The following UMAD1 variants were observed in gnomAD, a reference collection of about 807,000 sequenced individuals.
UMAD1 encodes UBAP1-MVB12-associated (UMA)-domain containing protein 1.
Under a neutral mutation model 6.1 loss-of-function variants are expected in UMAD1, and 8 were observed. That is an observed-to-expected ratio of 1.30 (90% confidence interval 0.76 to 2.35). UMAD1 has a LOEUF of 2.35. Among genes scored for constraint, UMAD1 ranks in the 30% most tolerant of loss-of-function variants. The pLI is 0.00. For synonymous variants in UMAD1, 56 were observed against 31.4 expected (o/e 1.78, Z -2.61); for missense variants, 130 against 78.4 (o/e 1.66, Z -2.49).
At chr7:7,825,530 A>G (rs1032555058) in intron 3 of UMAD1, among the ~76,000 whole-genome samples, 1 of 152,124 alleles carries the variant, frequency 6.6e-6, no homozygotes, top group Non-Finnish European at 1.5e-5. Flanking sequence ...TTGTGCAGGG[A>G]AATTCCCATT....
chr7:7,707,666 T>C (rs1005836828), intron 2 of UMAD1, among the ~76,000 whole-genome samples: 1 of 152,238 alleles, frequency 6.6e-6, no homozygotes, highest in Non-Finnish European at 1.5e-5. Context: ...TTTAGTTTTC[T>C]GTGATCCAAA....
rs566002936 is a variant in UMAD1, at chr7:7,756,999, G to C, written c.83-44671G>C. ...GAATAGCTACACATTGATCTGTTTT[G>C]TGGTAAACTAATATGCTCCTTCTTT... On this transcript the variant is annotated intron_variant, in intron 2 of 3. Coordinates refer to ENST00000682710, the MANE Select transcript of UMAD1 (RefSeq NM_001302348.2). Among the ~76,000 whole-genome samples, 201 of 152,296 alleles carry C rather than the reference G, an allele frequency of 1.3e-3. 1 individual carries two copies. Among genetic ancestry groups the C allele is most frequent in the African/African-American group, 4.5e-3 (189 of 41,572 alleles).
At chr7:7,709,456 G>A (rs1372461639) in intron 2 of UMAD1, among the ~76,000 whole-genome samples, 2 of 152,334 alleles carry the variant, frequency 1.3e-5, no homozygotes, top group Admixed American at 6.5e-5. Flanking sequence ...CACCCGAGGA[G>A]GGCAGAATGC....
intron 3 of UMAD1, among the ~76,000 whole-genome samples, chr7:7,838,328 G>A (rs1783609694): frequency 1.3e-5 from 2 of 152,112 alleles, no homozygotes; most frequent in African/African-American, 4.8e-5. Flanking sequence ...AAATTAGTGA[G>A]GGAATACATG....
chr7:7,763,847 C>T (rs73344529), intron 2 of UMAD1, among the ~76,000 whole-genome samples: 5,877 of 152,232 alleles, frequency 0.039, 369 homozygotes, highest in African/African-American at 0.13. Context: ...ATAATACAGC[C>T]TCTAGGAAGA....
intron 1 of UMAD1, among the ~76,000 whole-genome samples, chr7:7,655,875 C>T (rs143875410): frequency 0.016 from 2,506 of 152,094 alleles, 65 homozygotes; most frequent in African/African-American, 0.058. Context: ...CGCTCTTGTT[C>T]CCCAGGCTGG....
At chr7:7,673,599 A>G (rs1164999565) in intron 2 of UMAD1, 146 bp downstream of exon 2, 1 of 601,568 alleles carries the variant, frequency 1.7e-6, no homozygotes, top group African/African-American at 1.9e-5. Flanking sequence ...AAATCTGTAA[A>G]GATGAAAGTC....
chr7:7,840,503 C>CATTGCCAAGCCAATTCTTCTTTT (rs6149974), intron 3 of UMAD1, among the ~76,000 whole-genome samples: 71,015 of 150,834 alleles, frequency 0.47, 17,153 homozygotes, highest in Middle Eastern at 0.53. Context: ...TGAATGTTGG[C>CATTGCCAAGCCAATTCTTCTTTT]ATTGCCAAGC....
intron 2 of UMAD1, among the ~76,000 whole-genome samples, chr7:7,794,560 T>C (rs1324504643): frequency 6.6e-6 from 1 of 151,936 alleles, no homozygotes; most frequent in African/African-American, 2.4e-5. Flanking sequence ...CCTTTTGGAG[T>C]TTAGGAGCAA....
At chr7:7,824,445 G>A (rs1008573146) in intron 3 of UMAD1, among the ~76,000 whole-genome samples, 1 of 152,074 alleles carries the variant, frequency 6.6e-6, no homozygotes, top group Non-Finnish European at 1.5e-5. Flanking sequence ...TGACTGCAAT[G>A]CATATCCTCT....
chr7:7,856,920 TC>T (rs61610374), intron 3 of UMAD1, among the ~76,000 whole-genome samples: 2,014 of 152,358 alleles, frequency 0.013, 38 homozygotes, highest in African/African-American at 0.045. Context: ...TTTTTATGTT[TC>T]CTTCTCACTG....
At chr7:7,727,374 C>T (rs773458558) in intron 2 of UMAD1, among the ~76,000 whole-genome samples, 6 of 152,114 alleles carry the variant, frequency 3.9e-5, no homozygotes, top group Admixed American at 1.3e-4. Flanking sequence ...GGTGTGTTTT[C>T]GGTTGTACAT....
chr7:7,774,984 C>A (rs1266238001), intron 2 of UMAD1, among the ~76,000 whole-genome samples: 1 of 152,172 alleles, frequency 6.6e-6, no homozygotes, highest in African/African-American at 2.4e-5. Flanking sequence ...TCAATTATTT[C>A]ATGTCTTTCT....
intron 3 of UMAD1, among the ~76,000 whole-genome samples, chr7:7,876,119 A>T (rs189025145): frequency 6.6e-6 from 1 of 152,336 alleles, no homozygotes; most frequent in Admixed American, 6.5e-5. Context: ...CCTCATTGAG[A>T]TGGCATCTGG....
chr7:7,686,726 C>T (rs934414020), intron 2 of UMAD1, among the ~76,000 whole-genome samples: 1 of 152,188 alleles, frequency 6.6e-6, no homozygotes, highest in Non-Finnish European at 1.5e-5. Context: ...CTACTAGTCC[C>T]TCAATATCTG....
intron 2 of UMAD1, chr7:7,675,984 T>A: frequency 2.5e-6 from 1 of 394,610 alleles, no homozygotes; most frequent in Non-Finnish European, 4.5e-6. Context: ...CATAGTCTTC[T>A]GTGGGTACCA....
intron 2 of UMAD1, among the ~76,000 whole-genome samples, chr7:7,701,027 G>A (rs1362387199): frequency 6.6e-6 from 1 of 152,166 alleles, no homozygotes; most frequent in Admixed American, 6.5e-5. Context: ...TCCAGCATGG[G>A]CAACAGAGGG....
At chr7:7,820,271 C>T (rs181615644) in intron 3 of UMAD1, among the ~76,000 whole-genome samples, 5 of 152,060 alleles carry the variant, frequency 3.3e-5, no homozygotes, top group African/African-American at 9.6e-5. Context: ...CATTTTCTGA[C>T]GTATTTAACT....
intron 2 of UMAD1, among the ~76,000 whole-genome samples, chr7:7,770,579 G>A (rs544411988): frequency 2.5e-4 from 38 of 152,262 alleles, no homozygotes; most frequent in Middle Eastern, 3.4e-3. Context: ...AGTTAGGAGG[G>A]TGTCGAATTA....
Sources: gnomAD v4.1 joint callset for allele counts (sites outside exome capture counted in the v4.1 genomes callset) on GRCh38, gnomAD v4.1.1 for gene constraint, MANE v1.5 for transcripts, NCBI Gene and HGNC (gene_info 2026-07-23, HGNC 2026-07-21) for gene names.